STARD13: variants seen among roughly 807,000 people sequenced by gnomAD.
The protein encoded by STARD13 is stAR-related lipid transfer protein 13.
Under a neutral mutation model 106.4 loss-of-function variants are expected in STARD13, and 62 were observed. The ratio of observed to expected loss-of-function variants is 0.58; its 90% CI spans 0.48 to 0.72. The LOEUF (loss-of-function observed/expected upper bound fraction) is 0.72. STARD13 is among the 30% of genes least tolerant of loss of function. STARD13 has a pLI of 0.00. For missense variants in STARD13, 1,387 were observed against 1,424.0 expected, an observed-to-expected ratio of 0.97 and a Z score of 0.42; for synonymous variants, 565 against 553.0, an observed-to-expected ratio of 1.02 and a Z score of -0.31.
chr13:33,332,963 A>G (rs906063876), intron 1 of STARD13, among the ~76,000 whole-genome samples: 1 of 152,174 alleles, frequency 6.6e-6, no homozygotes, highest in African/African-American at 2.4e-5. Context: ...ATAAAATCAT[A>G]TAATTTGGGA....
At chr13:33,255,468 C>A (rs1008896936) in intron 1 of STARD13, among the ~76,000 whole-genome samples, 2 of 152,024 alleles carry the variant, frequency 1.3e-5, no homozygotes, top group East Asian at 3.9e-4. Flanking sequence ...CTGTTGCCAT[C>A]AACCATACCC....
At chr13:33,497,661 T>G in the STARD13 span, among the ~76,000 whole-genome samples, 2 of 152,178 alleles carry the variant, frequency 1.3e-5, no homozygotes, top group Admixed American at 1.3e-4. Flanking sequence ...CTATCTGCTT[T>G]AAAAATCACT....
At chr13:33,613,162 T>C in the STARD13 span, among the ~76,000 whole-genome samples, 2 of 152,222 alleles carry the variant, frequency 1.3e-5, no homozygotes, top group Admixed American at 6.5e-5. Flanking sequence ...ATAAAAATAC[T>C]TTGCATGTGT....
At chr13:33,359,127 C>T in the STARD13 span, among the ~76,000 whole-genome samples, 2 of 97,532 alleles carry the variant, frequency 2.1e-5, no homozygotes, top group South Asian at 6.2e-4. Flanking sequence ...CTCAGGTTGC[C>T]TTCCACACTG....
chr13:33,367,262 ATGTTTCCAGC>A, the STARD13 span, among the ~76,000 whole-genome samples: 1 of 152,242 alleles, frequency 6.6e-6, no homozygotes, highest in East Asian at 1.9e-4. Flanking sequence ...TAAAAAAAGA[ATGTTTCCAGC>A]TGTTTCCAGA....
At chr13:33,443,909 A>AG in the STARD13 span, among the ~76,000 whole-genome samples, 8 of 151,634 alleles carry the variant, frequency 5.3e-5, no homozygotes, top group Non-Finnish European at 1.5e-5. Flanking sequence ...AAAAAAAAAA[A>AG]AGAAGATATC....
intron 1 of STARD13, among the ~76,000 whole-genome samples, chr13:33,299,895 A>T (rs1892645648): frequency 6.6e-6 from 1 of 152,230 alleles, no homozygotes; most frequent in African/African-American, 2.4e-5. Flanking sequence ...TTAACCTGTG[A>T]TGGATGGGCC....
chr13:33,214,859 T>C (rs1032897404), intron 1 of STARD13, among the ~76,000 whole-genome samples: 1 of 152,156 alleles, frequency 6.6e-6, no homozygotes, highest in Non-Finnish European at 1.5e-5. Flanking sequence ...GGGCCATCAC[T>C]GACAAGAGAT....
the STARD13 span, among the ~76,000 whole-genome samples, chr13:33,472,773 G>A: frequency 6.6e-6 from 1 of 152,138 alleles, no homozygotes; most frequent in Non-Finnish European, 1.5e-5. Flanking sequence ...AACAGAATAT[G>A]TGCAGACAAA....
the STARD13 span, among the ~76,000 whole-genome samples, chr13:33,493,066 C>T: frequency 2.4e-4 from 36 of 152,166 alleles, no homozygotes; most frequent in African/African-American, 8.4e-4. Context: ...CTCCTTCTGT[C>T]GAACAAGGTT....
chr13:33,452,702 T>C, the STARD13 span, among the ~76,000 whole-genome samples: 1 of 152,212 alleles, frequency 6.6e-6, no homozygotes, highest in Non-Finnish European at 1.5e-5. Context: ...GGTAGTAATA[T>C]AGACCTCATA....
chr13:33,319,058 A>C (rs1258433773), intron 1 of STARD13, among the ~76,000 whole-genome samples: 1 of 152,222 alleles, frequency 6.6e-6, no homozygotes, highest in East Asian at 1.9e-4. Context: ...TCTACACCCA[A>C]GAAAATTAAA....
intron 1 of STARD13, among the ~76,000 whole-genome samples, chr13:33,316,592 C>G (rs890037885): frequency 6.6e-6 from 1 of 152,142 alleles, no homozygotes; most frequent in African/African-American, 2.4e-5. Flanking sequence ...AAGTGATTTG[C>G]CTGCTGTCAC....
At chr13:33,350,458 T>TC in exon 1 of STARD13, 1 of 1,508,206 alleles carries the variant, frequency 6.6e-7, no homozygotes, top group Non-Finnish European at 8.9e-7. Context: ...CCACCGCCAC[T>TC]CCCGCGTGGC....
chr13:33,448,849 T>G, the STARD13 span, among the ~76,000 whole-genome samples: 1 of 152,152 alleles, frequency 6.6e-6, no homozygotes, highest in South Asian at 2.1e-4. Context: ...ATTAAAAATG[T>G]TGAGCTTTTT....
chr13:33,148,176 C>T (rs1416935597), intron 3 of STARD13, among the ~76,000 whole-genome samples: 2 of 152,166 alleles, frequency 1.3e-5, no homozygotes, highest in African/African-American at 4.8e-5. Context: ...CTTTTAGATT[C>T]AACACCACAG....
At chr13:33,301,552 CTTTTTCTTTT>C (rs71726421) in intron 1 of STARD13, among the ~76,000 whole-genome samples, 77,147 of 128,596 alleles carry the variant, frequency 0.6, 22,878 homozygotes, top group Non-Finnish European at 0.69. Context: ...CCTTGAGTTT[CTTTTTCTTTT>C]TTTTTCTTTT....
intron 1 of STARD13, among the ~76,000 whole-genome samples, chr13:33,270,403 C>G (rs1891100378): frequency 6.6e-6 from 1 of 152,160 alleles, no homozygotes; most frequent in Non-Finnish European, 1.5e-5. Flanking sequence ...CACCTGTATG[C>G]AGGCAAGTTT....
intron 1 of STARD13, among the ~76,000 whole-genome samples, chr13:33,337,219 C>T (rs2077907033): frequency 6.6e-6 from 1 of 152,148 alleles, no homozygotes; most frequent in African/African-American, 2.4e-5. Context: ...ATTACTACCT[C>T]TCCTAATTTC....
Sources: gnomAD v4.1 joint callset for allele counts (sites outside exome capture counted in the v4.1 genomes callset) on GRCh38, gnomAD v4.1.1 for gene constraint, MANE v1.5 for transcripts, NCBI Gene and HGNC (gene_info 2026-07-23, HGNC 2026-07-21) for gene names.